The following RNLS variants were observed in gnomAD, a reference collection of about 807,000 sequenced individuals.
RNLS encodes the protein renalase.
Under a neutral mutation model 39.8 loss-of-function variants are expected in RNLS, and 39 were observed. That is an observed-to-expected ratio of 0.98 (90% CI 0.76 to 1.28). The LOEUF (loss-of-function observed/expected upper bound fraction) is 1.28, where lower values mean the gene tolerates loss of function less well. RNLS is among the 50% of genes most tolerant of loss of function. RNLS has a pLI of 0.00. For missense variants in RNLS, 410 were observed against 413.3 expected (o/e 0.99, Z 0.07); for synonymous variants, 147 against 150.7 (o/e 0.98, Z 0.18).
intron 4 of RNLS, among the ~76,000 whole-genome samples, chr10:88,433,822 A>G (rs1277007736): frequency 6.6e-6 from 1 of 152,128 alleles, no homozygotes; most frequent in Non-Finnish European, 1.5e-5. Flanking sequence ...TGAGAGTAAA[A>G]GGACCTAGGT....
intron 4 of RNLS, among the ~76,000 whole-genome samples, chr10:88,497,936 T>C (rs899370236): frequency 1.6e-5 from 1 of 62,388 alleles, no homozygotes; most frequent in Non-Finnish European, 2.9e-5. Flanking sequence ...CAAGAGGTTA[T>C]TGAAGAGAAA....
chr10:88,452,330 C>T (rs1842406396), intron 4 of RNLS, among the ~76,000 whole-genome samples: 1 of 152,134 alleles, frequency 6.6e-6, no homozygotes, highest in Non-Finnish European at 1.5e-5. Context: ...TTTGAAGGCA[C>T]ATTGAAGGTA....
chr10:88,350,064 C>T (rs149869058), intron 5 of RNLS, among the ~76,000 whole-genome samples: 1,623 of 152,170 alleles, frequency 0.011, 10 homozygotes, highest in Middle Eastern at 0.02. Context: ...AAACGGGAAA[C>T]CTGACAGTTT....
At chr10:88,582,374 C>A in intron 1 of RNLS, 67 bp from the exon 2 acceptor site, 1 of 1,212,364 alleles carries the variant, frequency 8.2e-7, no homozygotes, top group African/African-American at 1.5e-5. Context: ...ATTCAATGCA[C>A]CTTAGGTTAC....
chr10:88,456,107 C>T (rs888663978), intron 4 of RNLS, among the ~76,000 whole-genome samples: 6 of 152,150 alleles, frequency 3.9e-5, no homozygotes, highest in African/African-American at 1.2e-4. Flanking sequence ...AGCAGACTCT[C>T]CTGTTTTCTG....
At chr10:88,511,530 G>A (rs920155337) in intron 4 of RNLS, among the ~76,000 whole-genome samples, 3 of 152,078 alleles carry the variant, frequency 2.0e-5, no homozygotes, top group Admixed American at 6.6e-5. Context: ...GTGTGTTTGG[G>A]ACTTAATGTC....
At chr10:88,315,742 T>TTG in intron 5 of RNLS, among the ~76,000 whole-genome samples, 1 of 151,732 alleles carries the variant, frequency 6.6e-6, no homozygotes, top group East Asian at 1.9e-4. Flanking sequence ...TTTCAGGTTT[T>TTG]TTTTTTTTTT....
rs192800917 is a variant in RNLS, at chr10:88,284,102, T to G, written c.*1252A>C. On this transcript the variant is annotated 3_prime_UTR_variant, in exon 7 of 7. Transcript: ENST00000331772. ...CAAAATAAGTGACATTAACCACATGTTGGCATTTAAGTTTTTCACCAATTT... is the reference window on the plus strand; with the variant it reads ...CAAAATAAGTGACATTAACCACATGGTGGCATTTAAGTTTTTCACCAATTT... 7 of 976,540 alleles carry G rather than the reference T, an allele frequency of 7.2e-6. No homozygotes were observed. The East Asian group carries it at 8.0e-4, about 111-fold the overall frequency. The allele number at this position is 976,540 out of a possible 1,614,324, so 60.5% of individuals were successfully genotyped here.
intron 5 of RNLS, among the ~76,000 whole-genome samples, chr10:88,351,978 T>G (rs991252214): frequency 6.6e-5 from 10 of 152,142 alleles, no homozygotes; most frequent in South Asian, 4.1e-4. Flanking sequence ...GTGAATGGGA[T>G]TTCACTCATG....
chr10:88,374,006 G>T lies in RNLS; in HGVS notation c.527-11281C>A, dbSNP rs562555272. ...AGCCCCATCTGTTAAGCAGAAGTAT[G>T]ATCTACCTTAAAGGGCTGTTATGAA... On this transcript the variant is annotated intron_variant, in intron 4 of 6. Transcript: ENST00000331772. Among the ~76,000 whole-genome samples, 3 of 152,128 alleles carry T rather than the reference G, an allele frequency of 2.0e-5. No individual in the cohort carries two copies. In the East Asian group the frequency reaches 5.8e-4, roughly 29 times the overall value.
At chr10:88,391,535 C>T (rs925241250) in intron 4 of RNLS, among the ~76,000 whole-genome samples, 18 of 152,014 alleles carry the variant, frequency 1.2e-4, no homozygotes, top group South Asian at 4.1e-4. Context: ...TCCAGCCTGG[C>T]GACAGAGCGA....
chr10:88,305,974 C>T (rs1844886056), intron 6 of RNLS, among the ~76,000 whole-genome samples: 1 of 152,150 alleles, frequency 6.6e-6, no homozygotes, highest in South Asian at 2.1e-4. Context: ...TCATAACAAA[C>T]AATCTCTCAG....
the RNLS span, among the ~76,000 whole-genome samples, chr10:88,191,596 A>C: frequency 6.6e-6 from 1 of 152,220 alleles, no homozygotes; most frequent in South Asian, 2.1e-4. Flanking sequence ...CAGGGATTAG[A>C]AGGCAAAGAG....
At chr10:88,316,089 T>A (rs1025676477) in intron 5 of RNLS, among the ~76,000 whole-genome samples, 4 of 152,196 alleles carry the variant, frequency 2.6e-5, no homozygotes, top group Non-Finnish European at 4.4e-5. Flanking sequence ...TGCTGCAAAC[T>A]TTTTAAAGTG....
the RNLS span, among the ~76,000 whole-genome samples, chr10:88,264,813 T>C: frequency 2.0e-5 from 3 of 152,260 alleles, no homozygotes; most frequent in Non-Finnish European, 4.4e-5. Context: ...ATTGTTTCTT[T>C]TGCTGTGCAC....
At chr10:88,582,412 TAAGA>T (rs1168101033) in intron 1 of RNLS, 105 bp from the exon 2 acceptor site, 52 of 830,238 alleles carry the variant, frequency 6.3e-5, no homozygotes, top group Non-Finnish European at 9.3e-5. Context: ...AAAAATATCT[TAAGA>T]AACTTTTTTA....
At chr10:88,394,659 A>C (rs1459516197) in intron 4 of RNLS, among the ~76,000 whole-genome samples, 2 of 151,852 alleles carry the variant, frequency 1.3e-5, no homozygotes, top group African/African-American at 4.8e-5. Flanking sequence ...ATCTAGAACT[A>C]GAAATACCAT....
At chr10:88,368,727 C>CT (rs1850312322) in intron 4 of RNLS, among the ~76,000 whole-genome samples, 2 of 151,876 alleles carry the variant, frequency 1.3e-5, no homozygotes, top group Non-Finnish European at 2.9e-5. Context: ...CATTCGTTTC[C>CT]TTTTTTCCTT....
intron 4 of RNLS, among the ~76,000 whole-genome samples, chr10:88,442,993 A>C (rs753181914): frequency 6.6e-6 from 1 of 152,162 alleles, no homozygotes; most frequent in Non-Finnish European, 1.5e-5. Flanking sequence ...GATTGAAAGT[A>C]TTTTCACAAT....
Sources: allele counts gnomAD v4.1 joint callset (sites outside exome capture counted in the v4.1 genomes callset), GRCh38; gene constraint gnomAD v4.1.1; transcripts MANE v1.5; gene names NCBI Gene and HGNC (gene_info 2026-07-23, HGNC 2026-07-21).